The following WDR72 variants were observed in gnomAD, a reference collection of about 807,000 sequenced individuals.
The protein encoded by WDR72 is WD repeat domain 72, also known as WD repeat-containing protein 72.
WDR72 carries 120 observed loss-of-function variants against 124.2 expected under a neutral mutation model. The observed-to-expected ratio is 0.97, with a 90% CI of 0.83 to 1.12. The LOEUF is 1.12. Ranked by LOEUF, WDR72 falls within the 50% of genes most tolerant of loss-of-function variation. The pLI, the probability that WDR72 is intolerant of heterozygous loss-of-function variation, is 0.00. For missense variants in WDR72, 1,387 were observed against 1,278.8 expected (o/e 1.08, Z -1.29); for synonymous variants, 452 against 441.7 (o/e 1.02, Z -0.29).
intron 18 of WDR72, among the ~76,000 whole-genome samples, chr15:53,576,369 TA>T (rs1277272863): frequency 6.6e-6 from 1 of 152,122 alleles, no homozygotes; most frequent in African/African-American, 2.4e-5. Flanking sequence ...AATTAAGTTT[TA>T]AGGATGTTCA....
Position 53,702,282 on chromosome 15 carries a change from G to A in WDR72, c.1421C>T (p.Ser474Phe), listed in dbSNP as rs746315288. The A allele has an allele frequency of 3.1e-6, 5 of 1,614,078 alleles. No individual in the cohort carries two copies. Among genetic ancestry groups the A allele is most frequent in the Admixed American group, 3.3e-5 (2 of 60,022 alleles). ...VTSLLYPHGL[S>F]SKLDQSWMLS... ...CATCCAACTTTGGTCTAATTTCGAA[G>A]AGAGACCATGTGGATAGAGTAATGA... Residue 474 changes from serine to phenylalanine, a missense_variant, in exon 12 of 20, where the codon TCT (serine) becomes TTT (phenylalanine). Coordinates refer to ENST00000360509, the MANE Select transcript of WDR72 (RefSeq NM_182758.4).
intron 14 of WDR72, among the ~76,000 whole-genome samples, chr15:53,650,988 AAG>A (rs765162695): frequency 1.3e-5 from 2 of 150,692 alleles, no homozygotes; most frequent in Non-Finnish European, 3.0e-5. Flanking sequence ...AAATCGTGAA[AAG>A]ACTCCCTTTA....
Position 53,711,325 on chromosome 15 carries a change from T to A in WDR72, c.857+11A>T. On this transcript the variant is annotated intron_variant, in intron 8 of 19. Coordinates refer to ENST00000360509, the MANE Select transcript of WDR72 (RefSeq NM_182758.4). Reference sequence around the variant, plus strand: ...CTGAATGTTTTGTATGCCGCTCCCATCTGAGCCCACCTGTTCAGCAGCTGA... The same window carrying A: ...CTGAATGTTTTGTATGCCGCTCCCAACTGAGCCCACCTGTTCAGCAGCTGA... 3 of 1,614,150 alleles carry A rather than the reference T, an allele frequency of 1.9e-6. No individual in the cohort carries two copies. Among genetic ancestry groups the A allele is most frequent in the South Asian group, 1.1e-5 (1 of 91,086 alleles).
chr15:53,626,439 G>A (rs897160029), intron 14 of WDR72, among the ~76,000 whole-genome samples: 1 of 152,212 alleles, frequency 6.6e-6, no homozygotes, highest in Non-Finnish European at 1.5e-5. Context: ...CCAAGGGATG[G>A]AAGTCAGCGG....
intron 18 of WDR72, among the ~76,000 whole-genome samples, chr15:53,593,915 T>C (rs1188890014): frequency 1.3e-5 from 2 of 152,088 alleles, no homozygotes; most frequent in Non-Finnish European, 2.9e-5. Flanking sequence ...GCTAGTATGA[T>C]GGGAATCTCT....
chr15:53,568,733 T>C (rs1894390776), intron 18 of WDR72, among the ~76,000 whole-genome samples: 1 of 152,078 alleles, frequency 6.6e-6, no homozygotes, highest in Admixed American at 6.6e-5. Flanking sequence ...TGATCATCTC[T>C]AGCAGGCCTA....
chr15:53,699,698 G>A lies in WDR72; in HGVS notation c.1765+52C>T, dbSNP rs2017106703. ...TCTGAAACTTTCCATCTGGTCAAAT[G>A]CTTGTACATCATAAATATATAAAGA... On this transcript the variant is annotated intron_variant, in intron 13 of 19. Transcript: ENST00000360509. 4.4e-6 allele frequency: 7 copies of A among 1,584,012 alleles called. No individual in the cohort carries two copies. In the Admixed American group the frequency reaches 1.0e-4, roughly 23 times the overall value.
intron 2 of WDR72, among the ~76,000 whole-genome samples, chr15:53,731,495 C>T (rs954089397): frequency 1.3e-5 from 2 of 151,870 alleles, no homozygotes; most frequent in African/African-American, 2.4e-5. Flanking sequence ...TCTCTGGCTC[C>T]ACCCACTACA....
intron 14 of WDR72, among the ~76,000 whole-genome samples, chr15:53,645,034 G>A (rs1261843495): frequency 6.6e-6 from 1 of 152,034 alleles, no homozygotes; most frequent in African/African-American, 2.4e-5. Context: ...TTACTATATT[G>A]GATACTTTTT....
intron 1 of WDR72, among the ~76,000 whole-genome samples, chr15:53,748,808 C>A (rs1443935310): frequency 6.6e-6 from 1 of 152,144 alleles, no homozygotes; most frequent in Non-Finnish European, 1.5e-5. Context: ...TCTATCAACT[C>A]AATTACTTCC....
At chr15:53,518,735 G>C (rs924133929) in intron 19 of WDR72, among the ~76,000 whole-genome samples, 8 of 150,854 alleles carry the variant, frequency 5.3e-5, no homozygotes, top group Admixed American at 4.6e-4. Context: ...CCTGATTTTT[G>C]CTGGTGATTC....
At chr15:53,718,913 C>T (rs62007997) in intron 3 of WDR72, among the ~76,000 whole-genome samples, 39,422 of 149,372 alleles carry the variant, frequency 0.26, 6,616 homozygotes, top group Middle Eastern at 0.47. Context: ...AAAGTGTCTA[C>T]GACATATAAC....
chr15:53,561,108 T>C (rs1894110792), intron 18 of WDR72, among the ~76,000 whole-genome samples: 1 of 151,826 alleles, frequency 6.6e-6, no homozygotes, highest in Non-Finnish European at 1.5e-5. Context: ...AACTGCATTG[T>C]TCAGAACACC....
chr15:53,628,411 A>G (rs879852726), intron 14 of WDR72, among the ~76,000 whole-genome samples: 4 of 152,176 alleles, frequency 2.6e-5, no homozygotes, highest in Non-Finnish European at 4.4e-5. Flanking sequence ...ATATTAAAAA[A>G]AAGTTGACAC....
At chr15:53,746,183 G>A (rs559352062) in intron 1 of WDR72, among the ~76,000 whole-genome samples, 11 of 152,098 alleles carry the variant, frequency 7.2e-5, no homozygotes, top group African/African-American at 2.2e-4. Context: ...CCTCCAGCCC[G>A]CCTTCATCTT....
chr15:53,715,129 A>T (rs1282824564), intron 5 of WDR72, 64 bp downstream of exon 5: 14 of 1,559,282 alleles, frequency 9.0e-6, no homozygotes, highest in Non-Finnish European at 1.2e-5. Context: ...AATTTGACAA[A>T]TAATTCAAAA....
At chr15:53,749,336 T>G (rs2018719278) in intron 1 of WDR72, among the ~76,000 whole-genome samples, 1 of 152,170 alleles carries the variant, frequency 6.6e-6, no homozygotes, top group Admixed American at 6.5e-5. Flanking sequence ...TCTGTTGTGG[T>G]GGTCTGTGAT....
At chr15:53,753,655 C>A (rs1206812219) in intron 1 of WDR72, among the ~76,000 whole-genome samples, 1 of 152,196 alleles carries the variant, frequency 6.6e-6, no homozygotes. Flanking sequence ...TCAAAATTTT[C>A]TCTAGTCCTG....
In WDR72 at chr15:53,517,552, T is replaced by C. The variant is rs760052294; in HGVS notation, c.*147A>G. ...TAATCAGCATGTATTAAAATCACTTTAATACATGTTGGCTAAAGTATTAGC... is the reference window on the plus strand; with the variant it reads ...TAATCAGCATGTATTAAAATCACTTCAATACATGTTGGCTAAAGTATTAGC... On this transcript the variant is annotated 3_prime_UTR_variant, in exon 20 of 20. Coordinates refer to ENST00000360509, the MANE Select transcript of WDR72 (RefSeq NM_182758.4). The C allele has an allele frequency of 2.4e-5, 19 of 784,300 alleles. No individual in the cohort carries two copies. In the African/African-American group the frequency reaches 2.6e-4, roughly 11 times the overall value. The allele number at this position is 784,300 out of a possible 1,614,324, so 48.6% of individuals were successfully genotyped here. A position where few individuals can be genotyped will look rare whatever the true frequency, so the allele number is the denominator to read the frequency against.
Sources: allele counts gnomAD v4.1 joint callset (sites outside exome capture counted in the v4.1 genomes callset), GRCh38; gene constraint gnomAD v4.1.1; transcripts MANE v1.5; gene names NCBI Gene and HGNC (gene_info 2026-07-23, HGNC 2026-07-21).